Variants in CYP3A5 observed in about 807,000 individuals in gnomAD.
CYP3A5 encodes cytochrome P450 3A5.
A neutral mutation model predicts 55.9 loss-of-function variants in CYP3A5; 51 were observed. The observed-to-expected ratio is 0.91, with a 90% CI of 0.73 to 1.15. The LOEUF (loss-of-function observed/expected upper bound fraction) is 1.15, where lower values mean the gene tolerates loss of function less well. Among genes scored for constraint, CYP3A5 ranks in the 50% most tolerant of loss-of-function variants. CYP3A5 has a pLI of 0.00. For missense variants in CYP3A5, 533 were observed against 596.6 expected (o/e 0.89, Z 1.11); for synonymous variants, 196 against 213.9 (o/e 0.92, Z 0.73).
chr7:99,671,911 A>G (rs1192233889), intron 4 of CYP3A5: 1 of 695,692 alleles, frequency 1.4e-6, no homozygotes, highest in Non-Finnish European at 2.6e-6. Context: ...AGAACTACCC[A>G]CACACATAAA....
intron 9 of CYP3A5, among the ~76,000 whole-genome samples, chr7:99,661,061 A>G (rs1240955241): frequency 6.6e-6 from 1 of 152,210 alleles, no homozygotes; most frequent in Admixed American, 6.5e-5. Flanking sequence ...TCTACAATAG[A>G]GCTTGACAGA....
intron 10 of CYP3A5, 78 bp downstream of exon 10, chr7:99,660,421 T>G (rs1003191817): frequency 1.3e-5 from 19 of 1,497,518 alleles, no homozygotes; most frequent in Non-Finnish European, 1.5e-5. Flanking sequence ...TTTATAAAAA[T>G]TCTCCTGGGG....
chr7:99,660,142 G>A (rs901179613), intron 10 of CYP3A5: 18 of 820,150 alleles, frequency 2.2e-5, no homozygotes, highest in East Asian at 2.5e-4. Flanking sequence ...GAAATCATTC[G>A]TCTTCTGTGT....
rs1811404338 is a variant in CYP3A5, at chr7:99,669,797, TATGTTAA to T, written c.319-2739_319-2733del. Among the ~76,000 whole-genome samples, 3 of 152,234 alleles carry T rather than the reference TATGTTAA, an allele frequency of 2.0e-5. No homozygotes were observed. The South Asian group carries it at 6.2e-4, about 32-fold the overall frequency. ...GAGATTTATATGAAGCAGTGAAAAATATGTTAAAGCAATTTTCTTTGTCCTTTGTAAA... is the reference window on the plus strand; with the variant it reads ...GAGATTTATATGAAGCAGTGAAAAATAGCAATTTTCTTTGTCCTTTGTAAA... On this transcript the variant is annotated intron_variant, in intron 4 of 12. Coordinates refer to ENST00000222982, the MANE Select transcript of CYP3A5 (RefSeq NM_000777.5).
At chr7:99,671,784 A>G (rs1211586719) in intron 4 of CYP3A5, 1 of 702,476 alleles carries the variant, frequency 1.4e-6, no homozygotes, top group Non-Finnish European at 2.6e-6. Context: ...TCAGAGAAAA[A>G]GACAAACTCC....
chr7:99,652,676 C>T lies in CYP3A5; in HGVS notation c.1130G>A (p.Cys377Tyr). 2 of 1,614,100 alleles carry T rather than the reference C, an allele frequency of 1.2e-6. No individual in the cohort carries two copies. The highest frequency in any genetic ancestry group is 8.5e-7 in the Non-Finnish European group (1 of 1,179,990). ...FPVAIRLERT[C>Y]KKDVEINGVF... ...CCCATTGATTTCAACATCTTTCTTG[C>T]AAGTCCTCTCAAGTCTAATAGCAAC... Residue 377 changes from cysteine to tyrosine, a missense_variant, in exon 11 of 13, where the codon TGC becomes TAC. Coordinates refer to ENST00000222982, the MANE Select transcript of CYP3A5 (RefSeq NM_000777.5).
At chr7:99,652,824 A>G in intron 10 of CYP3A5, 45 bp from the exon 11 acceptor site, 1 of 1,463,672 alleles carries the variant, frequency 6.8e-7, no homozygotes, top group Non-Finnish European at 9.5e-7. Context: ...ATTTTGAATT[A>G]ACTCTCAACT....
chr7:99,674,760 A>T (rs978198026), intron 2 of CYP3A5, among the ~76,000 whole-genome samples, 175 bp from the exon 3 acceptor site: 2 of 152,214 alleles, frequency 1.3e-5, no homozygotes, highest in African/African-American at 4.8e-5. Context: ...CAGAGAATAT[A>T]TTTGAAGTGG....
At chr7:99,674,038 CAAAT>C (rs748249376) in intron 3 of CYP3A5, among the ~76,000 whole-genome samples, 2 of 152,098 alleles carry the variant, frequency 1.3e-5, no homozygotes, top group Non-Finnish European at 2.9e-5. Flanking sequence ...TTAACCCTGA[CAAAT>C]AAATCCCAAG....
rs375534267 is a variant in CYP3A5 at position 99,666,679 on chromosome 7, A to T, written c.443T>A (p.Ile148Asn). ...CAATACATCTCCATACTGGGCAATG[A>T]TGGGGAACATCTAAGCACAAAACAG... ...TSGKLKEMFP[I>N]IAQYGDVLVR... The change falls in exon 6 of 13, where the codon ATC becomes AAC. Residue 148 changes from isoleucine (I) to asparagine (N), a missense_variant. Physicochemically the swap from Ile to Asn is moderately radical, Grantham distance 149 (BLOSUM62 -3). Coordinates refer to ENST00000222982, the MANE Select transcript of CYP3A5 (RefSeq NM_000777.5). The T allele has an allele frequency of 1.2e-6, 2 of 1,613,964 alleles. No homozygotes were observed. Among genetic ancestry groups the T allele is most frequent in the African/African-American group, 2.7e-5 (2 of 74,932 alleles).
chr7:99,667,111 C>G (rs1403451797), intron 4 of CYP3A5, 46 bp from the exon 5 acceptor site: 1 of 1,551,176 alleles, frequency 6.4e-7, no homozygotes, highest in Non-Finnish European at 8.9e-7. Flanking sequence ...TTGTGGTGAT[C>G]TTCATGGTTG....
intron 3 of CYP3A5, among the ~76,000 whole-genome samples, chr7:99,673,602 T>A (rs1811909679): frequency 6.6e-6 from 1 of 152,174 alleles, no homozygotes; most frequent in Admixed American, 6.5e-5. Context: ...AAGTGGAGCA[T>A]AAGTGGTTTC....
chr7:99,668,953 A>T (rs1811310947), intron 4 of CYP3A5, among the ~76,000 whole-genome samples: 1 of 152,216 alleles, frequency 6.6e-6, no homozygotes, highest in African/African-American at 2.4e-5. Flanking sequence ...TGTAGATGAT[A>T]GGTGTTTAAT....
intron 4 of CYP3A5, chr7:99,671,871 G>A: frequency 4.3e-6 from 3 of 702,536 alleles, no homozygotes; most frequent in East Asian, 2.7e-5. Flanking sequence ...GCTGGTCGTT[G>A]CACAAATCTA....
At chr7:99,673,637 C>A (rs1811921583) in intron 3 of CYP3A5, among the ~76,000 whole-genome samples, 1 of 152,216 alleles carries the variant, frequency 6.6e-6, no homozygotes, top group Non-Finnish European at 1.5e-5. Flanking sequence ...TATTATCTCT[C>A]AACCCTTCTT....
rs1812678618 is a variant in CYP3A5 at position 99,679,952 on chromosome 7, C to A, written c.-56G>T. ...GAGTCTTCCTTTTAGCTGAGTGCTG[C>A]TGTTTGCTGGGCTGTTTGCCTGGAG... On this transcript the variant is annotated 5_prime_UTR_variant, in exon 1 of 13. Transcript: ENST00000222982. 1.3e-6 allele frequency: 2 copies of A among 1,503,154 alleles called. No homozygotes were observed. Among genetic ancestry groups the A allele is most frequent in the East Asian group, 4.5e-5 (2 of 44,292 alleles). The allele number at this position is 1,503,154 out of a possible 1,614,324, so 93.1% of individuals were successfully genotyped here.
rs180998801 is a variant in CYP3A5, at chr7:99,658,149, G to A, written c.1026+2350C>T. On this transcript the variant is annotated intron_variant, in intron 10 of 12. Coordinates refer to ENST00000222982, the MANE Select transcript of CYP3A5 (RefSeq NM_000777.5). ...ATGATGTTAGCTGATTATTTTGCTCGTTAGTTGATGCAGTTTCTCCTTAGC... is the reference window on the plus strand; with the variant it reads ...ATGATGTTAGCTGATTATTTTGCTCATTAGTTGATGCAGTTTCTCCTTAGC... Among the ~76,000 whole-genome samples the A allele has an allele frequency of 6.8e-3, 1,031 of 152,198 alleles. 7 individuals are homozygous for A. Among genetic ancestry groups the A allele is most frequent in the African/African-American group, 0.022 (902 of 41,514 alleles).
At chr7:99,672,874 T>A in intron 3 of CYP3A5, 195 bp from the exon 4 acceptor site, 1 of 1,395,974 alleles carries the variant, frequency 7.2e-7, no homozygotes. Flanking sequence ...ACCCAAGGCT[T>A]CATATGATGA....
intron 1 of CYP3A5, among the ~76,000 whole-genome samples, chr7:99,677,697 C>A (rs1414107227): frequency 6.6e-6 from 1 of 152,220 alleles, no homozygotes; most frequent in Non-Finnish European, 1.5e-5. Flanking sequence ...TTCCCTGCCC[C>A]AGAACAGTTA....
Sources: gnomAD v4.1 joint callset for allele counts (sites outside exome capture counted in the v4.1 genomes callset) on GRCh38, gnomAD v4.1.1 for gene constraint, MANE v1.5 for transcripts, NCBI Gene and HGNC (gene_info 2026-07-23, HGNC 2026-07-21) for gene names.